Variants in PARD3 observed in about 807,000 individuals in gnomAD.
The protein encoded by PARD3 is partitioning defective 3 homolog.
PARD3 carries 75 observed loss-of-function variants against 155.4 expected under a neutral mutation model. The observed-to-expected ratio is 0.48, with a 90% CI of 0.40 to 0.58. The LOEUF (loss-of-function observed/expected upper bound fraction) is 0.58, where lower values mean the gene tolerates loss of function less well. Among genes scored for constraint, PARD3 ranks in the 20% least tolerant of loss-of-function variants. The probability of loss-of-function intolerance (pLI) is 0.00; values close to 1 mark genes in which losing one functional copy is unlikely to be tolerated. For synonymous variants in PARD3, 576 were observed against 610.5 expected, an observed-to-expected ratio of 0.94 and a Z score of 0.83; for missense variants, 1,642 against 1,721.7, an observed-to-expected ratio of 0.95 and a Z score of 0.82.
At chr10:34,532,606 C>A (rs1334815750) in intron 2 of PARD3, among the ~76,000 whole-genome samples, 1 of 152,158 alleles carries the variant, frequency 6.6e-6, no homozygotes, top group Non-Finnish European at 1.5e-5. Context: ...AGAGTTGTTT[C>A]GTTCTGGATA....
chr10:34,493,291 T>A (rs1321809087), intron 3 of PARD3, among the ~76,000 whole-genome samples: 4 of 152,192 alleles, frequency 2.6e-5, no homozygotes. Context: ...ATTACCTTAT[T>A]CCAATGTCTT....
chr10:34,327,259 C>G (rs1008320390), intron 19 of PARD3, among the ~76,000 whole-genome samples: 1 of 152,142 alleles, frequency 6.6e-6, no homozygotes, highest in African/African-American at 2.4e-5. Context: ...TCCCAGAATA[C>G]AAAGCTCCAT....
chr10:34,760,718 C>T (rs1837339645), intron 1 of PARD3, among the ~76,000 whole-genome samples: 2 of 152,206 alleles, frequency 1.3e-5, no homozygotes, highest in Non-Finnish European at 2.9e-5. Context: ...GTTTTAGGCA[C>T]TCACTGGCTC....
chr10:34,778,929 G>T (rs992692800), intron 1 of PARD3, among the ~76,000 whole-genome samples: 1 of 152,196 alleles, frequency 6.6e-6, no homozygotes, highest in Non-Finnish European at 1.5e-5. Flanking sequence ...GTCAGATTCT[G>T]ACTTAGAAAA....
At chr10:34,555,601 GTATGCT>G (rs2084917414) in intron 2 of PARD3, among the ~76,000 whole-genome samples, 1 of 152,166 alleles carries the variant, frequency 6.6e-6, no homozygotes, top group Non-Finnish European at 1.5e-5. Context: ...ATCATGGGCT[GTATGCT>G]TATCTTTTAC....
intron 1 of PARD3, among the ~76,000 whole-genome samples, chr10:34,769,306 G>A (rs753700323): frequency 6.6e-6 from 1 of 152,068 alleles, no homozygotes. Context: ...AAGCTTATCT[G>A]CCCACCCCTA....
chr10:34,286,479 A>C (rs1025348952), intron 20 of PARD3, among the ~76,000 whole-genome samples: 1 of 152,242 alleles, frequency 6.6e-6, no homozygotes, highest in African/African-American at 2.4e-5. Flanking sequence ...ATGTGAGCAG[A>C]GATCTGAGCT....
intron 22 of PARD3, among the ~76,000 whole-genome samples, chr10:34,166,751 A>G (rs1461601354): frequency 6.6e-6 from 1 of 152,104 alleles, no homozygotes; most frequent in Non-Finnish European, 1.5e-5. Flanking sequence ...CCCCCACAAC[A>G]CACACAATAG....
chr10:34,377,858 A>T (rs1841412294), intron 10 of PARD3, 109 bp downstream of exon 10: 2 of 769,732 alleles, frequency 2.6e-6, no homozygotes, highest in Non-Finnish European at 3.8e-6. Context: ...ACTTCCGCTA[A>T]AATGTATATA....
intron 22 of PARD3, among the ~76,000 whole-genome samples, chr10:34,175,137 C>T (rs1278210999): frequency 6.6e-6 from 1 of 152,092 alleles, no homozygotes; most frequent in Non-Finnish European, 1.5e-5. Context: ...GAGCATGTAC[C>T]ATTATGGGAT....
intron 20 of PARD3, among the ~76,000 whole-genome samples, chr10:34,305,976 CTAAAAAAATTTTTTTAT>C (rs1471861278): frequency 6.6e-6 from 1 of 151,378 alleles, no homozygotes; most frequent in Non-Finnish European, 1.5e-5. Context: ...GATCCTGTCT[CTAAAAAAATTTTTTTAT>C]TAAAAAAATT....
chr10:34,580,258 G>A (rs1340899788), intron 2 of PARD3, among the ~76,000 whole-genome samples: 2 of 152,006 alleles, frequency 1.3e-5, no homozygotes, highest in African/African-American at 4.8e-5. Context: ...GCTTGGCCAG[G>A]CACAGTAGTT....
intron 3 of PARD3, among the ~76,000 whole-genome samples, chr10:34,492,402 C>T (rs1189662816): frequency 1.3e-5 from 2 of 152,146 alleles, no homozygotes; most frequent in Non-Finnish European, 2.9e-5. Flanking sequence ...CTCTAGTTTC[C>T]TCATCTATAA....
At chr10:34,323,165 T>C (rs1958479585) in intron 19 of PARD3, among the ~76,000 whole-genome samples, 1 of 152,204 alleles carries the variant, frequency 6.6e-6, no homozygotes, top group African/African-American at 2.4e-5. Context: ...TTATTTCTTA[T>C]TTTGGTGGAA....
intron 22 of PARD3, among the ~76,000 whole-genome samples, chr10:34,189,273 T>C (rs761552210): frequency 9.2e-5 from 14 of 152,238 alleles, no homozygotes; most frequent in Non-Finnish European, 1.9e-4. Flanking sequence ...GAGGATGCAG[T>C]GAGCCATAAC....
At chr10:34,345,593 C>T in intron 15 of PARD3, 2 of 984,612 alleles carry the variant, frequency 2.0e-6, no homozygotes, top group Non-Finnish European at 2.4e-6. Context: ...AATCAATAAA[C>T]ACTGTTGTTA....
rs545717500 is a variant in PARD3 at position 34,414,906 on chromosome 10, C to T, written c.715-12989G>A. Among the ~76,000 whole-genome samples, 30 of 152,184 alleles carry T rather than the reference C, an allele frequency of 2.0e-4. 1 individual carries two copies. The highest frequency in any genetic ancestry group is 7.2e-4 in the African/African-American group (30 of 41,508). On this transcript the variant is annotated intron_variant, in intron 5 of 24. Coordinates refer to ENST00000374788, the MANE Select transcript of PARD3 (RefSeq NM_001184785.2). Reference sequence around the variant, plus strand: ...AAAAGACCTCCCAAGTGCCTCTATACCATAACTCTTCCAGGGACTCATGGA... The same window carrying T: ...AAAAGACCTCCCAAGTGCCTCTATATCATAACTCTTCCAGGGACTCATGGA...
At chr10:34,731,018 C>T (rs2094807493) in intron 1 of PARD3, among the ~76,000 whole-genome samples, 1 of 152,140 alleles carries the variant, frequency 6.6e-6, no homozygotes, top group African/African-American at 2.4e-5. Flanking sequence ...AAGAATTTCA[C>T]AGCTACAAAC....
intron 5 of PARD3, among the ~76,000 whole-genome samples, chr10:34,417,250 GGACTGATTTT>G (rs1564690315): frequency 6.6e-6 from 1 of 152,032 alleles, no homozygotes. Context: ...TGGTCTCGGC[GGACTGATTTT>G]GTCTGTGCAG....
Sources: allele counts gnomAD v4.1 joint callset (sites outside exome capture counted in the v4.1 genomes callset), GRCh38; gene constraint gnomAD v4.1.1; transcripts MANE v1.5; gene names NCBI Gene and HGNC (gene_info 2026-07-23, HGNC 2026-07-21).